RUFY2: variants seen among roughly 807,000 people sequenced by gnomAD.
The protein encoded by RUFY2 is RUN and FYVE domain-containing protein 2.
Under a neutral mutation model 94.4 loss-of-function variants are expected in RUFY2, and 49 were observed. The observed-to-expected ratio is 0.52, with a 90% confidence interval of 0.41 to 0.66. The LOEUF (loss-of-function observed/expected upper bound fraction) is 0.66. Among genes scored for constraint, RUFY2 ranks in the 30% least tolerant of loss-of-function variants. The pLI is 0.00. For synonymous variants in RUFY2, 255 were observed against 235.7 expected (o/e 1.08, Z -0.75); for missense variants, 541 against 692.8 (o/e 0.78, Z 2.46).
At chr10:68,376,458 AT>A (rs1307008299) in intron 13 of RUFY2, among the ~76,000 whole-genome samples, 8 of 29,294 alleles carry the variant, frequency 2.7e-4, no homozygotes, top group Non-Finnish European at 4.2e-4. Flanking sequence ...ATATATATAT[AT>A]ATATATATAT....
intron 16 of RUFY2, among the ~76,000 whole-genome samples, chr10:68,348,119 T>C (rs1408888403): frequency 6.6e-6 from 1 of 152,108 alleles, no homozygotes; most frequent in Non-Finnish European, 1.5e-5. Flanking sequence ...AAGGGCTTTT[T>C]TTTTTTAACT....
At chr10:68,374,881 C>G (rs2048522574) in intron 13 of RUFY2, among the ~76,000 whole-genome samples, 1 of 152,118 alleles carries the variant, frequency 6.6e-6, no homozygotes, top group Admixed American at 6.6e-5. Flanking sequence ...CAACCTCAAC[C>G]TGCCAGCATT....
chr10:68,370,775 A>C (rs1348713028), intron 13 of RUFY2, among the ~76,000 whole-genome samples: 1 of 152,154 alleles, frequency 6.6e-6, no homozygotes, highest in Admixed American at 6.5e-5. Flanking sequence ...GGGAAGAATG[A>C]ATGAATTTGA....
At chr10:68,361,556 T>C (rs960567578) in intron 15 of RUFY2, among the ~76,000 whole-genome samples, 2 of 152,218 alleles carry the variant, frequency 1.3e-5, no homozygotes, top group African/African-American at 4.8e-5. Context: ...AATAAATGGA[T>C]GCCAGATTGG....
intron 8 of RUFY2, 152 bp downstream of exon 8, chr10:68,385,907 T>C: frequency 2.3e-6 from 1 of 425,864 alleles, no homozygotes; most frequent in South Asian, 5.5e-5. Flanking sequence ...CTCTAGAACT[T>C]ATAATCATCA....
intron 16 of RUFY2, among the ~76,000 whole-genome samples, chr10:68,352,255 C>T (rs772902154): frequency 1.8e-4 from 27 of 152,080 alleles, no homozygotes; most frequent in Non-Finnish European, 1.0e-4. Flanking sequence ...GCTACCATGC[C>T]TAGTCTCCAG....
chr10:68,345,132 G>A lies in RUFY2; in HGVS notation c.*636C>T, dbSNP rs2134868270. On this transcript the variant is annotated 3_prime_UTR_variant, in exon 18 of 18. Coordinates refer to ENST00000602465, the MANE Select transcript of RUFY2 (RefSeq NM_001330103.2). ...CAAGATTAAAAGGAAAAAAGTAGAG[G>A]CCGAGGCCAAATAATGCCCCCTTTA... is the stretch of plus-strand genomic sequence containing the variant. 6.5e-6 allele frequency: 1 copy of A among 152,862 alleles called. No homozygotes were observed. Among genetic ancestry groups the A allele is most frequent in the East Asian group, 1.9e-4 (1 of 5,194 alleles). The allele number at this position is 152,862 out of a possible 1,614,324, so 9.5% of individuals were successfully genotyped here. A position where few individuals can be genotyped will look rare whatever the true frequency, so the allele number is the denominator to read the frequency against.
At chr10:68,386,444 G>A (rs1224568828) in intron 7 of RUFY2, among the ~76,000 whole-genome samples, 1 of 152,110 alleles carries the variant, frequency 6.6e-6, no homozygotes, top group African/African-American at 2.4e-5. Context: ...CCGCCTCCTG[G>A]GTTCAAACTA....
chr10:68,379,586 T>A lies in RUFY2; in HGVS notation c.1108-65A>T. 10 of 1,189,486 alleles carry A rather than the reference T, an allele frequency of 8.4e-6. No homozygotes were observed. The South Asian group carries it at 1.3e-4, about 16-fold the overall frequency. The allele number at this position is 1,189,486 out of a possible 1,614,324, so 73.7% of individuals were successfully genotyped here. A position where few individuals can be genotyped will look rare whatever the true frequency, so the allele number is the denominator to read the frequency against. On this transcript the variant is annotated intron_variant, in intron 11 of 17. Transcript: ENST00000602465. ...GTGTGTGTGTTTGTGTGTGTGTGTG[T>A]GTGCGTGTTTTTAATAGATAGGGTA...
In RUFY2 at chr10:68,372,945, A is replaced by G. The variant is rs12252407; in HGVS notation, c.1325+3908T>C. 3.5e-3 allele frequency among the ~76,000 whole-genome samples: 532 copies of G among 152,192 alleles called. 4 individuals are homozygous for G. Among genetic ancestry groups the G allele is most frequent in the African/African-American group, 0.012 (509 of 41,538 alleles). ...GAATGTTTAAAGAAAGTTCAGACAC[A>G]CACAAAAAAACTTGGAGCTTCAGGA... is the stretch of plus-strand genomic sequence containing the variant. On this transcript the variant is annotated intron_variant, in intron 13 of 17. Coordinates refer to ENST00000602465, the MANE Select transcript of RUFY2 (RefSeq NM_001330103.2).
At chr10:68,341,423 C>A, downstream of RUFY2, 1 of 1,173,196 alleles carries the variant, frequency 8.5e-7, no homozygotes, top group Non-Finnish European at 1.2e-6. Flanking sequence ...AACCATTTGA[C>A]CTCTATAATG....
intron 1 of RUFY2, among the ~76,000 whole-genome samples, chr10:68,406,009 C>T (rs2051266192): frequency 6.6e-6 from 1 of 152,186 alleles, no homozygotes. Flanking sequence ...GAAATTCAGA[C>T]GCTTCCCCAT....
intron 12 of RUFY2, chr10:68,378,471 A>G: frequency 7.4e-7 from 1 of 1,346,816 alleles, no homozygotes; most frequent in Non-Finnish European, 9.5e-7. Context: ...TCCTTTTAGA[A>G]TATTTAATAG....
chr10:68,385,568 G>C (rs1192745493), intron 8 of RUFY2, among the ~76,000 whole-genome samples: 1 of 152,034 alleles, frequency 6.6e-6, no homozygotes, highest in Non-Finnish European at 1.5e-5. Context: ...GAGAGGGACG[G>C]TATCATTTTA....
At chr10:68,379,156 GT>G (rs2048857866) in intron 12 of RUFY2, 1 of 330,306 alleles carries the variant, frequency 3.0e-6, no homozygotes, top group Non-Finnish European at 5.4e-6. Flanking sequence ...TTGTGTATTT[GT>G]TTTATGTAAC....
chr10:68,397,078 G>A (rs1287093348), intron 3 of RUFY2, among the ~76,000 whole-genome samples, 197 bp from the exon 4 acceptor site: 1 of 152,172 alleles, frequency 6.6e-6, no homozygotes, highest in African/African-American at 2.4e-5. Flanking sequence ...GGACATCCAG[G>A]TACTATTTAA....
rs1431360090 is a variant in RUFY2 at position 68,404,776 on chromosome 10, G to T, written c.73C>A (p.Leu25Ile). The part of the protein sequence containing the change: ...LNMAKLSIKG[L>I]IESALSFGRT... ...CCAAAGCTCAGAGCAGATTCAATGA[G>T]TCCTTTGATACTCAGTTTAGCCATG... The change falls in exon 2 of 18, where the codon CTC becomes ATC. Residue 25 changes from leucine to isoleucine, a missense_variant. This residue lies in a region of RUFY2 where 53 missense variants were observed against 58.6 expected (regional missense o/e 0.90). Transcript: ENST00000602465. 1 of 1,613,306 alleles carries T rather than the reference G, an allele frequency of 6.2e-7. No individual in the cohort carries two copies. Among genetic ancestry groups the T allele is most frequent in the Non-Finnish European group, 8.5e-7 (1 of 1,179,644 alleles).
At chr10:68,346,116 G>T in intron 16 of RUFY2, 32 bp from the exon 17 acceptor site, 1 of 1,526,546 alleles carries the variant, frequency 6.6e-7, no homozygotes, top group South Asian at 1.2e-5. Flanking sequence ...TGCTCAAATT[G>T]GTAACACTAA....
chr10:68,341,966 C>T (rs376044047), downstream of RUFY2: 82 of 1,613,204 alleles, frequency 5.1e-5, no homozygotes, highest in African/African-American at 9.9e-4. Flanking sequence ...TTCTTAATAT[C>T]TTTTTCTTAA....
Sources: gnomAD v4.1 joint callset for allele counts (sites outside exome capture counted in the v4.1 genomes callset) on GRCh38, gnomAD v4.1.1 for gene constraint, gnomAD v4.1.1 regional missense constraint, MANE v1.5 for transcripts, NCBI Gene and HGNC (gene_info 2026-07-23, HGNC 2026-07-21) for gene names.